FBXO11: variants seen among roughly 807,000 people sequenced by gnomAD.
The protein encoded by FBXO11 is F-box protein 11.
Under a neutral mutation model 117.0 loss-of-function variants are expected in FBXO11, and 13 were observed. The ratio of observed to expected loss-of-function variants is 0.11; its 90% confidence interval spans 0.07 to 0.18. The LOEUF is 0.18. Ranked by LOEUF, FBXO11 falls within the 10% of genes least tolerant of loss-of-function variation. FBXO11 has a pLI of 1.00. For synonymous variants in FBXO11, 490 were observed against 380.5 expected (o/e 1.29, Z -3.35); for missense variants, 767 against 1,164.4 (o/e 0.66, Z 4.97).
At chr2:47,900,998 G>A (rs189619523) in intron 1 of FBXO11, among the ~76,000 whole-genome samples, 50 of 137,848 alleles carry the variant, frequency 3.6e-4, no homozygotes, top group African/African-American at 1.1e-3. Context: ...AAATATTGCC[G>A]GTGGGGAGAT....
At chr2:47,830,630 T>C (rs1030318368) in intron 11 of FBXO11, among the ~76,000 whole-genome samples, 2 of 152,234 alleles carry the variant, frequency 1.3e-5, no homozygotes, top group African/African-American at 2.4e-5. Flanking sequence ...TAATCCTTAA[T>C]GGAAATATCT....
At chr2:47,859,575 C>T (rs1321045748) in intron 1 of FBXO11, among the ~76,000 whole-genome samples, 5 of 152,196 alleles carry the variant, frequency 3.3e-5, no homozygotes, top group African/African-American at 1.2e-4. Context: ...GAAAGATTCT[C>T]TTCCAATCCC....
At chr2:47,842,733 A>G (rs947539344) in intron 1 of FBXO11, among the ~76,000 whole-genome samples, 8 of 151,764 alleles carry the variant, frequency 5.3e-5, no homozygotes, top group African/African-American at 1.9e-4. Flanking sequence ...TTATTCGATT[A>G]ACATCACTTT....
rs116623388 is a variant in FBXO11, at chr2:47,829,035, C to T, written c.1398+3314G>A. Among the ~76,000 whole-genome samples, 1,156 of 151,384 alleles carry T rather than the reference C, an allele frequency of 7.6e-3. 16 individuals are homozygous for T. Among genetic ancestry groups the T allele is most frequent in the African/African-American group, 0.028 (1,136 of 41,204 alleles). ...CTCCCCACTTCAAGTGATTCTCATG[C>T]CTCAACCTCCTGAGAGGCTGGGATT... On this transcript the variant is annotated intron_variant, in intron 11 of 22. Transcript: ENST00000403359.
intron 11 of FBXO11, among the ~76,000 whole-genome samples, chr2:47,823,946 C>T (rs1671561663): frequency 6.6e-6 from 1 of 151,962 alleles, no homozygotes; most frequent in Non-Finnish European, 1.5e-5. Flanking sequence ...ATCCTCCCGC[C>T]TCAGCCTTCT....
chr2:47,819,726 G>A (rs1325778514), intron 14 of FBXO11, among the ~76,000 whole-genome samples: 4 of 152,064 alleles, frequency 2.6e-5, no homozygotes, highest in Non-Finnish European at 5.9e-5. Context: ...CCTATTTCTC[G>A]AGAAATCAAT....
Position 47,877,349 on chromosome 2 carries a change from C to T in FBXO11, c.232+28140G>A, listed in dbSNP as rs578004336. Among the ~76,000 whole-genome samples the T allele has an allele frequency of 1.7e-4, 26 of 152,246 alleles. No individual in the cohort carries two copies. The South Asian group carries it at 2.1e-3, about 12-fold the overall frequency. ...TATTTACACCTATAGACTAAGGATT[C>T]ACTTGAATATCAATTATTCCCACTC... is the stretch of plus-strand genomic sequence containing the variant. On this transcript the variant is annotated intron_variant, in intron 1 of 22. Transcript: ENST00000403359.
chr2:47,870,970 T>C (rs1675582123), intron 1 of FBXO11, among the ~76,000 whole-genome samples: 1 of 152,238 alleles, frequency 6.6e-6, no homozygotes, highest in South Asian at 2.1e-4. Flanking sequence ...CCAGAATGGC[T>C]GCAAAGTCTA....
chr2:47,847,921 G>C lies in FBXO11; in HGVS notation c.233-8152C>G, dbSNP rs558065086. Among the ~76,000 whole-genome samples, 3 of 152,030 alleles carry C rather than the reference G, an allele frequency of 2.0e-5. No individual in the cohort carries two copies. The South Asian group carries it at 6.2e-4, about 31-fold the overall frequency. On this transcript the variant is annotated intron_variant, in intron 1 of 22. Transcript: ENST00000403359. ...GGGTGGATCATGAGGTCAGGAGATTGAGACCATCCTGGCTAACACGGTGAA... is the reference window on the plus strand; with the variant it reads ...GGGTGGATCATGAGGTCAGGAGATTCAGACCATCCTGGCTAACACGGTGAA...
chr2:47,869,942 G>A (rs1675501633), intron 1 of FBXO11, among the ~76,000 whole-genome samples: 3 of 152,210 alleles, frequency 2.0e-5, no homozygotes, highest in Admixed American at 6.5e-5. Flanking sequence ...CTCCCAAAGT[G>A]CTGGGATTAT....
intron 11 of FBXO11, among the ~76,000 whole-genome samples, chr2:47,829,791 A>C (rs766265572): frequency 6.6e-6 from 1 of 152,240 alleles, no homozygotes; most frequent in Non-Finnish European, 1.5e-5. Context: ...CTTCAAAATA[A>C]TCCAGAGTGT....
At chr2:47,839,393 A>G in intron 3 of FBXO11, 26 bp downstream of exon 3, 1 of 1,587,214 alleles carries the variant, frequency 6.3e-7, no homozygotes, top group Non-Finnish European at 8.6e-7. Flanking sequence ...ATTTTACCCT[A>G]TTTGTTACTT....
intron 1 of FBXO11, among the ~76,000 whole-genome samples, chr2:47,900,740 A>ATATACACGTATACACACACGTGTATATC (rs1558487202): frequency 5.0e-5 from 6 of 120,112 alleles, no homozygotes; most frequent in Non-Finnish European, 1.1e-4. Flanking sequence ...ACGTGTATAT[A>ATATACACGTATACACACACGTGTATATC]TATACACGTA....
chr2:47,905,223 G>GGGGGT, intron 1 of FBXO11: 1 of 236,580 alleles, frequency 4.2e-6, no homozygotes, highest in Non-Finnish European at 8.0e-6. Context: ...AGGGATGGGT[G>GGGGGT]GGGGTGGAGG....
chr2:47,827,371 C>T (rs927723991), intron 11 of FBXO11, among the ~76,000 whole-genome samples: 14 of 148,720 alleles, frequency 9.4e-5, no homozygotes, highest in Non-Finnish European at 2.1e-4. Context: ...CAGTGGCGCA[C>T]TTTCGGCTCA....
At chr2:47,844,447 C>T (rs1673251677) in intron 1 of FBXO11, among the ~76,000 whole-genome samples, 1 of 152,172 alleles carries the variant, frequency 6.6e-6, no homozygotes. Flanking sequence ...ATCCTATCCC[C>T]ATATGTGCAA....
intron 11 of FBXO11, among the ~76,000 whole-genome samples, chr2:47,823,849 AT>A (rs565340406): frequency 1.3e-3 from 194 of 147,316 alleles, no homozygotes; most frequent in Middle Eastern, 3.5e-3. Context: ...AAATGTTTTA[AT>A]TTTTTTTTTT....
At chr2:47,826,637 G>C (rs780385543) in intron 11 of FBXO11, among the ~76,000 whole-genome samples, 1 of 152,084 alleles carries the variant, frequency 6.6e-6, no homozygotes, top group African/African-American at 2.4e-5. Flanking sequence ...AGATTAGTGT[G>C]CTATTCAGAG....
intron 1 of FBXO11, among the ~76,000 whole-genome samples, chr2:47,890,327 T>C (rs955816909): frequency 2.6e-5 from 4 of 152,128 alleles, no homozygotes; most frequent in Admixed American, 6.5e-5. Flanking sequence ...AGAAATAATA[T>C]AGTCAATTAT....
Sources: allele counts gnomAD v4.1 joint callset (sites outside exome capture counted in the v4.1 genomes callset), GRCh38; gene constraint gnomAD v4.1.1; transcripts MANE v1.5; gene names NCBI Gene and HGNC (gene_info 2026-07-23, HGNC 2026-07-21).